The following DNAJC5 variants were observed in gnomAD, a reference collection of about 807,000 sequenced individuals.
The protein encoded by DNAJC5 is dnaJ homolog subfamily C member 5.
DNAJC5 carries 1 observed loss-of-function variant against 23.2 expected under a neutral mutation model. That is an observed-to-expected ratio of 0.04 (90% CI 0.02 to 0.20). The LOEUF is 0.20. Ranked by LOEUF, DNAJC5 falls within the 10% of genes least tolerant of loss-of-function variation. The pLI is 1.00. For synonymous variants in DNAJC5, 136 were observed against 120.0 expected (o/e 1.13, Z -0.87); for missense variants, 180 against 267.0 (o/e 0.67, Z 2.27).
chr20:63,906,765 G>A (rs1452546213), intron 1 of DNAJC5, among the ~76,000 whole-genome samples: 4 of 152,106 alleles, frequency 2.6e-5, no homozygotes, highest in Admixed American at 1.3e-4. Context: ...CAGCCTGGGT[G>A]AGTGATCGAG....
At chr20:63,896,878 G>A (rs1017185222) in intron 1 of DNAJC5, among the ~76,000 whole-genome samples, 3 of 152,184 alleles carry the variant, frequency 2.0e-5, no homozygotes, top group African/African-American at 7.2e-5. Flanking sequence ...AGCTGTGCGT[G>A]GTGCTGGCCT....
chr20:63,898,181 T>C (rs2053386790), intron 1 of DNAJC5, among the ~76,000 whole-genome samples: 1 of 152,190 alleles, frequency 6.6e-6, no homozygotes, highest in South Asian at 2.1e-4. Flanking sequence ...GGTGGTTTTA[T>C]CCTTAGAGCC....
At chr20:63,917,056 C>T (rs915694952) in intron 1 of DNAJC5, among the ~76,000 whole-genome samples, 1 of 152,174 alleles carries the variant, frequency 6.6e-6, no homozygotes, top group African/African-American at 2.4e-5. Flanking sequence ...AGGTGATGTA[C>T]ATCCTCAGTT....
At chr20:63,913,291 G>C (rs1422275811) in intron 1 of DNAJC5, among the ~76,000 whole-genome samples, 2 of 152,032 alleles carry the variant, frequency 1.3e-5, no homozygotes, top group African/African-American at 4.8e-5. Context: ...AGCACCTGTT[G>C]TCTCCTTCCC....
chr20:63,899,215 T>A (rs1384049928), intron 1 of DNAJC5, among the ~76,000 whole-genome samples: 1 of 152,136 alleles, frequency 6.6e-6, no homozygotes, highest in Non-Finnish European at 1.5e-5. Flanking sequence ...AAAACAGTAA[T>A]AGTCTTGTTT....
At chr20:63,909,918 C>G (rs574142447) in intron 1 of DNAJC5, among the ~76,000 whole-genome samples, 1 of 152,168 alleles carries the variant, frequency 6.6e-6, no homozygotes, top group Non-Finnish European at 1.5e-5. Context: ...AGCATGACCT[C>G]GTGGTTACTG....
At chr20:63,912,462 A>G (rs2053488513) in intron 1 of DNAJC5, among the ~76,000 whole-genome samples, 1 of 152,158 alleles carries the variant, frequency 6.6e-6, no homozygotes, top group Non-Finnish European at 1.5e-5. Context: ...TATTCCAAAT[A>G]AAAATCCAGA....
In DNAJC5 at chr20:63,935,410, C is replaced by T. The variant is rs2146315179; in HGVS notation, c.*3842C>T. 6.6e-6 allele frequency: 1 copy of T among 152,392 alleles called. No homozygotes were observed. The highest frequency in any genetic ancestry group is 1.5e-5 in the Non-Finnish European group (1 of 68,080). The allele number at this position is 152,392 out of a possible 1,614,324, so 9.4% of individuals were successfully genotyped here. A position where few individuals can be genotyped will look rare whatever the true frequency, so the allele number is the denominator to read the frequency against. ...TGTGTGCCCAGGGCACTGCCACGGCCCCCACCAGCATTGGCCTCTGCTCTG... is the reference window on the plus strand; with the variant it reads ...TGTGTGCCCAGGGCACTGCCACGGCTCCCACCAGCATTGGCCTCTGCTCTG... On this transcript the variant is annotated 3_prime_UTR_variant, in exon 5 of 5. Transcript: ENST00000360864.
intron 1 of DNAJC5, among the ~76,000 whole-genome samples, chr20:63,917,524 A>T (rs916800471): frequency 9.9e-5 from 15 of 151,298 alleles, no homozygotes; most frequent in African/African-American, 3.7e-4. Flanking sequence ...AAGTTCTGGG[A>T]TTATAGGCAT....
At chr20:63,922,128 CT>C (rs1322706925) in intron 1 of DNAJC5, among the ~76,000 whole-genome samples, 1 of 151,994 alleles carries the variant, frequency 6.6e-6, no homozygotes, top group Admixed American at 6.6e-5. Flanking sequence ...TGAGGTGCTA[CT>C]TCAAACATCA....
intron 1 of DNAJC5, among the ~76,000 whole-genome samples, chr20:63,909,531 A>T (rs1344740076): frequency 6.7e-6 from 1 of 150,326 alleles, no homozygotes; most frequent in Non-Finnish European, 1.5e-5. Context: ...AACAACAAAA[A>T]ATTAGCCGGG....
rs1157373868 is a variant in DNAJC5, at chr20:63,932,544, T to C, written c.*976T>C. ...CAATGAGCCACAGTCAGAGAGTAGATTGTGCATGTGTGAGCACCCAGCTAC... is the reference window on the plus strand; with the variant it reads ...CAATGAGCCACAGTCAGAGAGTAGACTGTGCATGTGTGAGCACCCAGCTAC... On this transcript the variant is annotated 3_prime_UTR_variant, in exon 5 of 5. Transcript: ENST00000360864. This position sits in a 1 kb window ranked among gnomAD's most constrained non-coding sequence, Gnocchi z 4.4. 6.6e-6 allele frequency: 1 copy of C among 152,634 alleles called. No homozygotes were observed. Among genetic ancestry groups the C allele is most frequent in the Non-Finnish European group, 1.5e-5 (1 of 68,080 alleles). 9.5% of individuals were successfully genotyped at this position (152,634 alleles called of 1,614,324 possible).
chr20:63,896,566 C>G (rs923608263), intron 1 of DNAJC5, among the ~76,000 whole-genome samples: 1 of 152,156 alleles, frequency 6.6e-6, no homozygotes, highest in Non-Finnish European at 1.5e-5. Flanking sequence ...ATATCAGCCT[C>G]CTTGCTAGTT....
rs1195334370 is a variant in DNAJC5 at position 63,933,182 on chromosome 20, TCCTGAAGCCC to T, written c.*1618_*1627del. The T allele has an allele frequency of 6.5e-6, 1 of 152,772 alleles. No individual in the cohort carries two copies. Among genetic ancestry groups the T allele is most frequent in the African/African-American group, 2.4e-5 (1 of 41,454 alleles). 9.5% of individuals were successfully genotyped at this position (152,772 alleles called of 1,614,324 possible). A position where few individuals can be genotyped will look rare whatever the true frequency, so the allele number is the denominator to read the frequency against. On this transcript the variant is annotated 3_prime_UTR_variant, in exon 5 of 5. Transcript: ENST00000360864. ...CTGGCTCGGACCAACCAGATGAGCC[TCCTGAAGCCC>T]CCTTCCCTGCCTGCCTGCTGACCCG...
rs914553610 is a variant in DNAJC5 at position 63,932,845 on chromosome 20, C to G, written c.*1277C>G. ...AATCCACACGTGGACCATTGTGGGTCCCTTGGGAGGCCAGCAGCCAGACTA... is the reference window on the plus strand; with the variant it reads ...AATCCACACGTGGACCATTGTGGGTGCCTTGGGAGGCCAGCAGCCAGACTA... On this transcript the variant is annotated 3_prime_UTR_variant, in exon 5 of 5. Coordinates refer to ENST00000360864, the MANE Select transcript of DNAJC5 (RefSeq NM_025219.3). The surrounding 1 kb of genome is among the most constrained non-coding windows in gnomAD (Gnocchi z 4.4). 1 of 152,276 alleles carries G rather than the reference C, an allele frequency of 6.6e-6. No individual in the cohort carries two copies. The highest frequency in any genetic ancestry group is 2.4e-5 in the African/African-American group (1 of 41,352). 9.4% of individuals were successfully genotyped at this position (152,276 alleles called of 1,614,324 possible).
chr20:63,914,765 G>GC (rs2053505456), intron 1 of DNAJC5, among the ~76,000 whole-genome samples: 2 of 151,922 alleles, frequency 1.3e-5, no homozygotes, highest in African/African-American at 4.8e-5. Flanking sequence ...ACAGGCACCT[G>GC]CCACCACGCC....
intron 1 of DNAJC5, among the ~76,000 whole-genome samples, chr20:63,925,825 GTTTTT>G (rs376376541): frequency 1.3e-3 from 163 of 123,944 alleles, no homozygotes; most frequent in African/African-American, 4.4e-3. Context: ...ATTTTATCTG[GTTTTT>G]TTTTTTTTTT....
rs1384556163 is a variant in DNAJC5 at position 63,928,974 on chromosome 20, G to A, written c.108-338G>A. Among the ~76,000 whole-genome samples, 2 of 152,178 alleles carry A rather than the reference G, an allele frequency of 1.3e-5. No individual in the cohort carries two copies. Among genetic ancestry groups the A allele is most frequent in the Non-Finnish European group, 2.9e-5 (2 of 68,038 alleles). On this transcript the variant is annotated intron_variant, in intron 2 of 4. Transcript: ENST00000360864. This position sits in a 1 kb window ranked among gnomAD's most constrained non-coding sequence, Gnocchi z 4.6. ...ACACTTCTTAAAGTGCCATCATTAC[G>A]CCCCGCCGTGCTTACCGTTCACTTG...
At chr20:63,930,141 G>C (rs2053654958) in intron 3 of DNAJC5, among the ~76,000 whole-genome samples, 1 of 152,234 alleles carries the variant, frequency 6.6e-6, no homozygotes, top group Non-Finnish European at 1.5e-5. Context: ...ATTTGGCTTT[G>C]ACTGGTCGGC....
Sources: allele counts gnomAD v4.1 joint callset (sites outside exome capture counted in the v4.1 genomes callset), GRCh38; gene constraint gnomAD v4.1.1; non-coding constraint Gnocchi (gnomAD v3.1); transcripts MANE v1.5; gene names NCBI Gene and HGNC (gene_info 2026-07-23, HGNC 2026-07-21).